The following SAFB variants were observed in gnomAD, a reference collection of about 807,000 sequenced individuals.
SAFB encodes scaffold attachment factor B.
In SAFB, 15 loss-of-function variants were observed where a neutral mutation model predicts 101.6. That is an observed-to-expected ratio of 0.15 (90% CI 0.10 to 0.23). The LOEUF is 0.23. Ranked by LOEUF, SAFB falls within the 10% of genes least tolerant of loss-of-function variation. SAFB has a pLI of 1.00. For missense variants in SAFB, 930 were observed against 1,104.1 expected, an observed-to-expected ratio of 0.84 and a Z score of 2.23; for synonymous variants, 449 against 407.5, an observed-to-expected ratio of 1.10 and a Z score of -1.23.
intron 14 of SAFB, among the ~76,000 whole-genome samples, chr19:5,659,400 G>A (rs544166163): frequency 2.0e-5 from 3 of 148,686 alleles, no homozygotes; most frequent in Non-Finnish European, 3.0e-5. Context: ...TTTTTTTTCC[G>A]AGACGGAATC....
At chr19:5,633,722 T>C (rs902897352) in intron 2 of SAFB, among the ~76,000 whole-genome samples, 4 of 150,684 alleles carry the variant, frequency 2.7e-5, no homozygotes, top group African/African-American at 9.8e-5. Flanking sequence ...GAGCTTGCAG[T>C]GAGCCGAGAT....
At chr19:5,653,966 C>G (rs1019762880) in intron 11 of SAFB, 95 bp from the exon 12 acceptor site, 1 of 1,171,204 alleles carries the variant, frequency 8.5e-7, no homozygotes, top group Non-Finnish European at 1.2e-6. Flanking sequence ...GTCTCGAACT[C>G]CCGGTCTCAT....
chr19:5,640,938 T>C (rs1483470615), intron 2 of SAFB, among the ~76,000 whole-genome samples: 1 of 151,528 alleles, frequency 6.6e-6, no homozygotes, highest in Non-Finnish European at 1.5e-5. Context: ...TTTTCTTTTT[T>C]TTTTTTTTTT....
In SAFB at chr19:5,660,700, C is replaced by T. The variant is rs1599380283; in HGVS notation, c.1863-818C>T. 3.9e-5 allele frequency among the ~76,000 whole-genome samples: 4 copies of T among 102,818 alleles called. No individual in the cohort carries two copies. The South Asian group carries it at 1.3e-3, about 33-fold the overall frequency. 67.5% of individuals were successfully genotyped at this position (102,818 alleles called of 152,430 possible). A position where few individuals can be genotyped will look rare whatever the true frequency, so the allele number is the denominator to read the frequency against. On this transcript the variant is annotated intron_variant, in intron 14 of 20. Coordinates refer to ENST00000588852, the MANE Select transcript of SAFB (RefSeq NM_001201338.2). Reference sequence around the variant, plus strand: ...TCGAGAACAGCCTGGGCAACCATCTCTACCAAAAAAAAAAAAAAAAAAAAA... The same window carrying T: ...TCGAGAACAGCCTGGGCAACCATCTTTACCAAAAAAAAAAAAAAAAAAAAA...
chr19:5,624,398 C>G (rs902449090), intron 1 of SAFB, among the ~76,000 whole-genome samples: 1 of 152,164 alleles, frequency 6.6e-6, no homozygotes, highest in African/African-American at 2.4e-5. Context: ...TCCTCATTTG[C>G]AGATCGGGGG....
intron 4 of SAFB, among the ~76,000 whole-genome samples, chr19:5,644,287 T>G (rs2053780787): frequency 6.6e-6 from 1 of 152,200 alleles, no homozygotes; most frequent in African/African-American, 2.4e-5. Context: ...ATGCCTAGCA[T>G]CTAGAAAGCA....
intron 14 of SAFB, among the ~76,000 whole-genome samples, chr19:5,658,504 C>G (rs2054116371): frequency 6.6e-6 from 1 of 152,084 alleles, no homozygotes; most frequent in South Asian, 2.1e-4. Context: ...ACCAGCCTGA[C>G]CAACATAGTG....
At position 5,660,852 on chromosome 19, in the gene SAFB, C is replaced by T. The variant is rs543539910; in HGVS notation, c.1863-666C>T. 8.6e-5 allele frequency among the ~76,000 whole-genome samples: 13 copies of T among 151,674 alleles called. No individual in the cohort carries two copies. The East Asian group carries it at 2.3e-3, about 27-fold the overall frequency. On this transcript the variant is annotated intron_variant, in intron 14 of 20. Coordinates refer to ENST00000588852, the MANE Select transcript of SAFB (RefSeq NM_001201338.2). ...ACACTTGGGGGGCCTGCTAGCCCCA[C>T]CTCACAAAGACTCATTTCATCCTGT...
In SAFB at chr19:5,645,373, T is replaced by G. The variant is rs1284702737; in HGVS notation, c.583T>G (p.Ser195Ala). Residue 195 changes from serine (S) to alanine (A), a missense_variant, in exon 5 of 21, where the codon TCA becomes GCA. By Grantham distance (99) the Ser-to-Ala change is moderately conservative. Around this residue, in one of 7 missense-constraint regions of SAFB, gnomAD observed 130 missense variants for 114.2 expected, o/e 1.14. Coordinates refer to ENST00000588852, the MANE Select transcript of SAFB (RefSeq NM_001201338.2). ...AGAAACTATAAACAATTTAGATACT[T>G]CATCATCTGACTTCACTATATTACA... ...DKETINNLDT[S>A]SSDFTILQEI... is the part of the protein sequence containing the mutation. 1 of 1,385,334 alleles carries G rather than the reference T, an allele frequency of 7.2e-7. No individual in the cohort carries two copies. The highest frequency in any genetic ancestry group is 1.4e-5 in the African/African-American group (1 of 70,456). The allele number at this position is 1,385,334 out of a possible 1,614,324, so 85.8% of individuals were successfully genotyped here.
chr19:5,626,349 G>T, intron 1 of SAFB, 56 bp from the exon 2 acceptor site: 1 of 996,458 alleles, frequency 1.0e-6, no homozygotes, highest in Middle Eastern at 2.1e-4. Context: ...AGAGCTCTCT[G>T]AAAGCAGTGT....
chr19:5,654,241 G>A, intron 12 of SAFB, 41 bp downstream of exon 12: 1 of 1,609,706 alleles, frequency 6.2e-7, no homozygotes, highest in East Asian at 2.2e-5. Flanking sequence ...TCTTGTTTCT[G>A]TGCCTAGTGG....
chr19:5,659,500 G>T (rs1264110126), intron 14 of SAFB, among the ~76,000 whole-genome samples: 2 of 151,614 alleles, frequency 1.3e-5, no homozygotes, highest in East Asian at 4.0e-4. Context: ...TCCTGCCTCA[G>T]CCTCCCTAGT....
In SAFB at chr19:5,667,510, C is replaced by T; in HGVS notation, c.2557+60C>T. 8.3e-7 allele frequency: 1 copy of T among 1,206,714 alleles called. No individual in the cohort carries two copies. The highest frequency in any genetic ancestry group is 1.2e-6 in the Non-Finnish European group (1 of 858,738). The allele number at this position is 1,206,714 out of a possible 1,614,324, so 74.8% of individuals were successfully genotyped here. ...CTGGGGAGTGATGGAAAGATGGAGGCCGCGCCTTCTCTCCTTGGGGGAGCA... is the reference window on the plus strand; with the variant it reads ...CTGGGGAGTGATGGAAAGATGGAGGTCGCGCCTTCTCTCCTTGGGGGAGCA... On this transcript the variant is annotated intron_variant, in intron 19 of 20. Coordinates refer to ENST00000588852, the MANE Select transcript of SAFB (RefSeq NM_001201338.2). The surrounding 1 kb of genome is among the most constrained non-coding windows in gnomAD (Gnocchi z 4.0).
chr19:5,666,717 G>A (rs2054334197), intron 17 of SAFB: 1 of 388,520 alleles, frequency 2.6e-6, no homozygotes, highest in Non-Finnish European at 4.7e-6. Flanking sequence ...AACCATTTGA[G>A]CTGTGGGACC....
chr19:5,625,241 A>C (rs1186209819), intron 1 of SAFB, among the ~76,000 whole-genome samples: 1 of 152,186 alleles, frequency 6.6e-6, no homozygotes, highest in Non-Finnish European at 1.5e-5. Flanking sequence ...CAGGAAGGGC[A>C]AAAGAACAAA....
Position 5,641,842 on chromosome 19 carries a change from G to A in SAFB, c.442G>A (p.Val148Ile). 2 of 1,614,158 alleles carry A rather than the reference G, an allele frequency of 1.2e-6. No homozygotes were observed. The highest frequency in any genetic ancestry group is 2.2e-5 in the South Asian group (2 of 91,082). ...EIDNGSVADC[V>I]EDDDADNLQE... Reference sequence around the variant, plus strand: ...TGATAATGGAAGCGTTGCAGATTGTGTCGAAGACGATGATGCTGATAACCT... The same window carrying A: ...TGATAATGGAAGCGTTGCAGATTGTATCGAAGACGATGATGCTGATAACCT... The change falls in exon 4 of 21, where the codon GTC becomes ATC. Residue 148 changes from valine to isoleucine, a missense_variant. By Grantham distance (29) the Val-to-Ile change is conservative. Around this residue, in one of 7 missense-constraint regions of SAFB, gnomAD observed 119 missense variants for 171.4 expected, o/e 0.69. Coordinates refer to ENST00000588852, the MANE Select transcript of SAFB (RefSeq NM_001201338.2).
intron 15 of SAFB, among the ~76,000 whole-genome samples, chr19:5,663,631 A>G (rs2054264563): frequency 6.6e-6 from 1 of 152,176 alleles, no homozygotes; most frequent in South Asian, 2.1e-4. Flanking sequence ...GGCTGCTGGC[A>G]GGGCAGGAGG....
At chr19:5,653,456 G>T in intron 11 of SAFB, 36 bp downstream of exon 11, 1 of 1,583,578 alleles carries the variant, frequency 6.3e-7, no homozygotes, top group Non-Finnish European at 8.7e-7. Flanking sequence ...AAGGGGCAGG[G>T]TGTTTTTTGT....
At chr19:5,637,204 C>T (rs1357365753) in intron 2 of SAFB, among the ~76,000 whole-genome samples, 3 of 151,052 alleles carry the variant, frequency 2.0e-5, no homozygotes, top group Non-Finnish European at 3.0e-5. Flanking sequence ...ATAAGCCGGG[C>T]GTGATGGCGG....
Sources: gnomAD v4.1 joint callset for allele counts (sites outside exome capture counted in the v4.1 genomes callset) on GRCh38, gnomAD v4.1.1 for gene constraint, gnomAD v4.1.1 regional missense constraint, Gnocchi (gnomAD v3.1) non-coding constraint, MANE v1.5 for transcripts, NCBI Gene and HGNC (gene_info 2026-07-23, HGNC 2026-07-21) for gene names.